SAMD7: variants seen among roughly 807,000 people sequenced by gnomAD.
SAMD7 encodes sterile alpha motif domain-containing protein 7.
Under a neutral mutation model 36.7 loss-of-function variants are expected in SAMD7, and 34 were observed. That is an observed-to-expected ratio of 0.93 (90% CI 0.71 to 1.23). The LOEUF is 1.23. SAMD7 is among the 50% of genes most tolerant of loss of function. SAMD7 has a pLI of 0.00. For missense variants in SAMD7, 570 were observed against 546.6 expected, an observed-to-expected ratio of 1.04 and a Z score of -0.43; for synonymous variants, 188 against 189.7, an observed-to-expected ratio of 0.99 and a Z score of 0.07.
At chr3:169,926,310 C>A in intron 5 of SAMD7, 1 of 1,395,898 alleles carries the variant, frequency 7.2e-7, no homozygotes, top group South Asian at 1.3e-5. Context: ...GCTAAATTTG[C>A]CTCGTCTGTT....
chr3:169,919,263 A>T lies in SAMD7; in HGVS notation c.-41-195A>T, dbSNP rs1236505536. On this transcript the variant is annotated intron_variant, in intron 2 of 8. Coordinates refer to ENST00000335556, the MANE Select transcript of SAMD7 (RefSeq NM_001304366.2). Reference sequence around the variant, plus strand: ...CCGTATTACCTGTGAACTCTGCAACAAATTCCAAGGGCATACTGATAAAAC... The same window carrying T: ...CCGTATTACCTGTGAACTCTGCAACTAATTCCAAGGGCATACTGATAAAAC... Among the ~76,000 whole-genome samples the T allele has an allele frequency of 2.0e-5, 3 of 152,342 alleles. No individual in the cohort carries two copies. The East Asian group carries it at 5.8e-4, about 29-fold the overall frequency.
intron 3 of SAMD7, among the ~76,000 whole-genome samples, chr3:169,920,079 C>G (rs553456539): frequency 6.6e-6 from 1 of 152,168 alleles, no homozygotes; most frequent in African/African-American, 2.4e-5. Context: ...GAGGCTGAGG[C>G]GGGAGAATCG....
At chr3:169,921,640 G>T (rs1576829596) in intron 4 of SAMD7, among the ~76,000 whole-genome samples, 1 of 152,220 alleles carries the variant, frequency 6.6e-6, no homozygotes, top group East Asian at 1.9e-4. Flanking sequence ...TTAGATCTGA[G>T]AATTAATGGG....
At chr3:169,932,570 C>A (rs537505330) in intron 7 of SAMD7, 4 of 528,678 alleles carry the variant, frequency 7.6e-6, no homozygotes, top group South Asian at 6.3e-5. Context: ...GAGCCCCTTC[C>A]TAACTGTAGG....
intron 4 of SAMD7, among the ~76,000 whole-genome samples, chr3:169,922,983 G>C (rs1713111283): frequency 6.6e-6 from 1 of 152,232 alleles, no homozygotes; most frequent in Non-Finnish European, 1.5e-5. Flanking sequence ...TTTCAGTAGA[G>C]TCGTGTTGGT....
At chr3:169,922,829 G>T (rs909029369) in intron 4 of SAMD7, among the ~76,000 whole-genome samples, 1 of 146,716 alleles carries the variant, frequency 6.8e-6, no homozygotes. Context: ...TCAGATTTAC[G>T]ATCATTTTAC....
chr3:169,919,239 C>A (rs143678168), intron 2 of SAMD7, among the ~76,000 whole-genome samples: 3 of 152,018 alleles, frequency 2.0e-5, no homozygotes, highest in Non-Finnish European at 4.4e-5. Context: ...AGTTTGGTAC[C>A]GTATTACCTG....
In SAMD7 at chr3:169,928,530, T is replaced by C. The variant is rs1055247403; in HGVS notation, c.993T>C (p.Asp331=). 6.2e-7 allele frequency: 1 copy of C among 1,614,104 alleles called. No individual in the cohort carries two copies. Among genetic ancestry groups the C allele is most frequent in the Non-Finnish European group, 8.5e-7 (1 of 1,179,894 alleles). Residue 331 remains aspartate (D), a synonymous_variant, in exon 7 of 9, where the codon GAT becomes GAC. Coordinates refer to ENST00000335556, the MANE Select transcript of SAMD7 (RefSeq NM_001304366.2). ...DEDIQKWTVD[D]VHSFIRSLPG... is the part of the protein sequence containing the mutation. ...ATATTCAGAAGTGGACCGTGGATGATGTGCACAGCTTCATTCGCAGCCTTC... is the reference window on the plus strand; with the variant it reads ...ATATTCAGAAGTGGACCGTGGATGACGTGCACAGCTTCATTCGCAGCCTTC...
chr3:169,929,043 T>C (rs1713386946), intron 7 of SAMD7, among the ~76,000 whole-genome samples: 2 of 152,208 alleles, frequency 1.3e-5, no homozygotes, highest in Admixed American at 6.5e-5. Flanking sequence ...AAGTTAGAAA[T>C]TCATTATTTT....
intron 8 of SAMD7, 37 bp downstream of exon 8, chr3:169,936,486 G>T (rs532399820): frequency 2.8e-6 from 3 of 1,079,846 alleles, no homozygotes; most frequent in Non-Finnish European, 2.8e-6. Flanking sequence ...TGTATTAATG[G>T]CACAAAGCTT....
intron 7 of SAMD7, among the ~76,000 whole-genome samples, chr3:169,931,282 T>C (rs1252304693): frequency 6.6e-6 from 1 of 152,202 alleles, no homozygotes; most frequent in Non-Finnish European, 1.5e-5. Context: ...CCCAAACTGC[T>C]CTGGTGAGAA....
chr3:169,927,441 C>T (rs912570825), intron 6 of SAMD7, among the ~76,000 whole-genome samples: 2 of 151,906 alleles, frequency 1.3e-5, no homozygotes, highest in Non-Finnish European at 2.9e-5. Context: ...ACTACAGGAG[C>T]ATGCTGCCAC....
rs752234303 is a variant in SAMD7, at chr3:169,918,558, C to A, written c.-41-900C>A. On this transcript the variant is annotated intron_variant, in intron 2 of 8. Transcript: ENST00000335556. ...AAGAAAATGTCAGGAAAAATGTTAT[C>A]CCTTTAACAGTAGTCCTTTTTTCTG... is the stretch of plus-strand genomic sequence containing the variant. Among the ~76,000 whole-genome samples, 13 of 152,282 alleles carry A rather than the reference C, an allele frequency of 8.5e-5. No individual in the cohort carries two copies. In the East Asian group the frequency reaches 2.1e-3, roughly 25 times the overall value.
chr3:169,930,725 G>A (rs142816451), intron 7 of SAMD7, among the ~76,000 whole-genome samples: 3,420 of 151,848 alleles, frequency 0.023, 115 homozygotes, highest in Non-Finnish European at 0.024. Context: ...GGGACTATAG[G>A]TGCACACCAC....
intron 7 of SAMD7, chr3:169,932,340 A>C (rs1246668683): frequency 1.7e-5 from 12 of 688,682 alleles, no homozygotes; most frequent in Non-Finnish European, 3.3e-5. Flanking sequence ...TGAAAGCCTT[A>C]CTGATCCTTG....
Position 169,927,196 on chromosome 3 carries a change from G to A in SAMD7, c.919+15G>A, listed in dbSNP as rs1368452129. On this transcript the variant is annotated intron_variant, in intron 6 of 8. Transcript: ENST00000335556. ...ATCTCTGCCAGGTGGGTGTCCAGGGGCCAATGGCAGATCCTCATTAACTAC... is the reference window on the plus strand; with the variant it reads ...ATCTCTGCCAGGTGGGTGTCCAGGGACCAATGGCAGATCCTCATTAACTAC... The A allele has an allele frequency of 2.0e-6, 3 of 1,514,690 alleles. No individual in the cohort carries two copies. The highest frequency in any genetic ancestry group is 1.8e-6 in the Non-Finnish European group (2 of 1,134,962). The allele number at this position is 1,514,690 out of a possible 1,614,324, so 93.8% of individuals were successfully genotyped here.
intron 2 of SAMD7, among the ~76,000 whole-genome samples, chr3:169,916,605 G>A (rs1462546489): frequency 2.0e-5 from 3 of 152,170 alleles, no homozygotes; most frequent in South Asian, 2.1e-4. Flanking sequence ...ACAGGATCAC[G>A]CCATTGCACT....
At chr3:169,917,706 A>G (rs935658458) in intron 2 of SAMD7, among the ~76,000 whole-genome samples, 11 of 151,878 alleles carry the variant, frequency 7.2e-5, no homozygotes, top group African/African-American at 2.4e-4. Flanking sequence ...CAGTTGCACA[A>G]TCTCGGCTCA....
chr3:169,927,965 C>T (rs547137900), intron 6 of SAMD7, among the ~76,000 whole-genome samples: 2 of 152,084 alleles, frequency 1.3e-5, no homozygotes, highest in South Asian at 2.1e-4. Context: ...ATGACAGAAA[C>T]GCACACTGAA....
Sources: allele counts gnomAD v4.1 joint callset (sites outside exome capture counted in the v4.1 genomes callset), GRCh38; gene constraint gnomAD v4.1.1; transcripts MANE v1.5; gene names NCBI Gene and HGNC (gene_info 2026-07-23, HGNC 2026-07-21).